Variants in MICOS10 observed in about 807,000 individuals in gnomAD.
MICOS10 encodes the protein mitochondrial contact site and cristae organizing system subunit 10, also known as MICOS complex subunit MIC10.
Under a neutral mutation model 13.4 loss-of-function variants are expected in MICOS10, and 5 were observed. The ratio of observed to expected loss-of-function variants is 0.37; its 90% CI spans 0.20 to 0.78. MICOS10 has a LOEUF of 0.78. Ranked by LOEUF, MICOS10 falls within the 30% of genes least tolerant of loss-of-function variation. MICOS10 has a pLI of 0.47. For missense variants in MICOS10, 101 were observed against 94.6 expected (o/e 1.07, Z -0.28); for synonymous variants, 35 against 33.6 (o/e 1.04, Z -0.15).
chr1:19,623,402 A>G, intron 2 of MICOS10, 72 bp from the exon 3 acceptor site: 5 of 876,782 alleles, frequency 5.7e-6, no homozygotes, highest in Non-Finnish European at 9.5e-6. Context: ...AAGTAAATGT[A>G]TTTAAGAGGA....
intron 1 of MICOS10, among the ~76,000 whole-genome samples, chr1:19,604,350 A>C (rs1055752162): frequency 2.0e-5 from 3 of 152,150 alleles, no homozygotes; most frequent in African/African-American, 7.2e-5. Context: ...TCTACTAGAC[A>C]TACAAAAAAT....
At position 19,628,536 on chromosome 1, in the gene MICOS10, G is replaced by C. The variant is rs1310507966; in HGVS notation, c.*2135G>C. ...GTCTCTACTAAAAATATAAAAATCA[G>C]CTGGGCATGGTGGCGCACACCTGTA... On this transcript the variant is annotated 3_prime_UTR_variant, in exon 4 of 4. Transcript: ENST00000322753. 2 of 151,756 alleles carry C rather than the reference G, an allele frequency of 1.3e-5. No individual in the cohort carries two copies. The highest frequency in any genetic ancestry group is 4.8e-5 in the African/African-American group (2 of 41,362). 9.4% of individuals were successfully genotyped at this position (151,756 alleles called of 1,614,324 possible).
intron 1 of MICOS10, chr1:19,608,241 A>G (rs1397472234): frequency 7.0e-6 from 10 of 1,425,878 alleles, no homozygotes; most frequent in Non-Finnish European, 9.9e-6. Context: ...ACTTTTGTCC[A>G]TGTCACGGAT....
At chr1:19,604,168 G>C (rs1039202964) in intron 1 of MICOS10, among the ~76,000 whole-genome samples, 1 of 152,196 alleles carries the variant, frequency 6.6e-6, no homozygotes, top group African/African-American at 2.4e-5. Context: ...GATAAAATGA[G>C]ATAATCTCTA....
At chr1:19,613,428 A>G in intron 1 of MICOS10, among the ~76,000 whole-genome samples, 1 of 152,204 alleles carries the variant, frequency 6.6e-6, no homozygotes, top group African/African-American at 2.4e-5. Context: ...CCTACCTTAC[A>G]CTTGATAATT....
At chr1:19,607,963 T>C (rs1161619881) in intron 1 of MICOS10, among the ~76,000 whole-genome samples, 1 of 152,092 alleles carries the variant, frequency 6.6e-6, no homozygotes, top group African/African-American at 2.4e-5. Flanking sequence ...GAAAGGAAAA[T>C]CTTTTCAACA....
intron 1 of MICOS10, among the ~76,000 whole-genome samples, chr1:19,619,962 T>C (rs2094897497): frequency 6.6e-6 from 1 of 152,212 alleles, no homozygotes; most frequent in Non-Finnish European, 1.5e-5. Flanking sequence ...TTCTTTACTT[T>C]AGGGTTATTT....
At chr1:19,607,181 T>G (rs1286909366) in intron 1 of MICOS10, among the ~76,000 whole-genome samples, 1 of 152,276 alleles carries the variant, frequency 6.6e-6, no homozygotes, top group African/African-American at 2.4e-5. Context: ...TTGTTTGTTT[T>G]ATGTATATTT....
At chr1:19,608,994 CTTTTTTTTTTTT>C (rs5772856) in intron 1 of MICOS10, among the ~76,000 whole-genome samples, 2 of 60,598 alleles carry the variant, frequency 3.3e-5, no homozygotes, top group African/African-American at 7.6e-5. Flanking sequence ...CTTTTCCCAG[CTTTTTTTTTTTT>C]TTTTTTTTTT....
At position 19,623,467 on chromosome 1, in the gene MICOS10, T is replaced by C. The variant is rs770853927; in HGVS notation, c.113-7T>C. The C allele has an allele frequency of 6.3e-7, 1 of 1,589,936 alleles. No individual in the cohort carries two copies. On this transcript the variant is annotated splice_polypyrimidine_tract_variant and splice_region_variant and intron_variant, in intron 2 of 3. Transcript: ENST00000322753. ...CCTATTGGGATTTTCCCTTTTTTGCTCACTAGGAAGAATGTGGCCATTAGC... is the reference window on the plus strand; with the variant it reads ...CCTATTGGGATTTTCCCTTTTTTGCCCACTAGGAAGAATGTGGCCATTAGC...
intron 1 of MICOS10, among the ~76,000 whole-genome samples, chr1:19,598,627 GAGA>G (rs375051235): frequency 0.057 from 8,508 of 150,584 alleles, 289 homozygotes; most frequent in Non-Finnish European, 0.077. Context: ...AAAAAAAAAG[GAGA>G]AGAAGAAGAA....
intron 1 of MICOS10, among the ~76,000 whole-genome samples, chr1:19,611,989 T>A (rs2094864478): frequency 7.6e-6 from 1 of 131,506 alleles, no homozygotes; most frequent in South Asian, 2.2e-4. Flanking sequence ...AAAAAAAGAT[T>A]TTTTTTTCTT....
At chr1:19,601,094 T>C (rs1399920081) in intron 1 of MICOS10, 1 of 1,050,322 alleles carries the variant, frequency 9.5e-7, no homozygotes, top group Non-Finnish European at 1.3e-6. Flanking sequence ...TTAGCATAGG[T>C]GTTGTATAGC....
chr1:19,602,434 A>G (rs1433314180), intron 1 of MICOS10, among the ~76,000 whole-genome samples: 3 of 152,218 alleles, frequency 2.0e-5, no homozygotes, highest in Non-Finnish European at 4.4e-5. Flanking sequence ...AGTAGATCTT[A>G]ATAATAAAGT....
chr1:19,601,129 T>C (rs1452851521), intron 1 of MICOS10: 20 of 672,622 alleles, frequency 3.0e-5, no homozygotes, highest in Admixed American at 2.5e-5. Flanking sequence ...TTCTTAAGCC[T>C]GTACTTTAGG....
chr1:19,598,805 T>C (rs974459221), intron 1 of MICOS10, among the ~76,000 whole-genome samples: 2 of 152,102 alleles, frequency 1.3e-5, no homozygotes, highest in Non-Finnish European at 2.9e-5. Context: ...GACAGAAAAA[T>C]ACATAAGCTA....
At chr1:19,609,115 G>A (rs951224530) in intron 1 of MICOS10, among the ~76,000 whole-genome samples, 1 of 142,248 alleles carries the variant, frequency 7.0e-6, no homozygotes, top group South Asian at 2.3e-4. Context: ...TCCCACATCA[G>A]CCTCCTAAGT....
At chr1:19,617,189 T>C (rs1317708213) in intron 1 of MICOS10, 15 of 739,646 alleles carry the variant, frequency 2.0e-5, no homozygotes, top group Admixed American at 6.3e-5. Flanking sequence ...ACACCAGTAA[T>C]GACTCCACAT....
At chr1:19,600,206 A>G (rs141740365) in intron 1 of MICOS10, among the ~76,000 whole-genome samples, 28 of 152,334 alleles carry the variant, frequency 1.8e-4, no homozygotes, top group African/African-American at 6.0e-4. Flanking sequence ...GTGAGGTGAT[A>G]AAAGTCTGAC....
Sources: allele counts gnomAD v4.1 joint callset (sites outside exome capture counted in the v4.1 genomes callset), GRCh38; gene constraint gnomAD v4.1.1; transcripts MANE v1.5; gene names NCBI Gene and HGNC (gene_info 2026-07-23, HGNC 2026-07-21).